The following DPF3 variants were observed in gnomAD, a reference collection of about 807,000 sequenced individuals.
The protein encoded by DPF3 is zinc finger protein DPF3.
A neutral mutation model predicts 56.8 loss-of-function variants in DPF3; 18 were observed. The observed-to-expected ratio is 0.32, with a 90% CI of 0.22 to 0.47. The LOEUF is 0.47. DPF3 is among the 20% of genes least tolerant of loss of function. DPF3 has a pLI of 1.00. For synonymous variants in DPF3, 188 were observed against 180.2 expected (o/e 1.04, Z -0.35); for missense variants, 403 against 488.8 (o/e 0.82, Z 1.65).
intron 7 of DPF3, among the ~76,000 whole-genome samples, chr14:72,686,148 T>C (rs1887401757): frequency 6.6e-6 from 1 of 152,236 alleles, no homozygotes; most frequent in African/African-American, 2.4e-5. Context: ...TAGCCAAGGA[T>C]ATGCCAGGGC....
intron 6 of DPF3, among the ~76,000 whole-genome samples, chr14:72,706,154 T>C (rs1888395295): frequency 6.6e-6 from 1 of 152,186 alleles, no homozygotes; most frequent in South Asian, 2.1e-4. Flanking sequence ...AGGTCTATAA[T>C]ATAAGTCAAC....
At chr14:72,855,291 T>C (rs1257358550) in intron 1 of DPF3, among the ~76,000 whole-genome samples, 1 of 152,210 alleles carries the variant, frequency 6.6e-6, no homozygotes. Context: ...TAAAAATCAG[T>C]AGGAATGAGG....
intron 3 of DPF3, among the ~76,000 whole-genome samples, chr14:72,750,209 G>A (rs1160094): frequency 0.3 from 46,342 of 152,082 alleles, 8,042 homozygotes; most frequent in Middle Eastern, 0.4. Flanking sequence ...GTATTGAACA[G>A]GGAAATCAGG....
At chr14:72,736,054 AC>A (rs1434202011) in intron 3 of DPF3, among the ~76,000 whole-genome samples, 1 of 152,228 alleles carries the variant, frequency 6.6e-6, no homozygotes, top group Admixed American at 6.5e-5. Context: ...TTTCAATGGT[AC>A]AGCTGCACTG....
chr14:72,749,957 T>C (rs371520614), intron 3 of DPF3, among the ~76,000 whole-genome samples: 132 of 152,332 alleles, frequency 8.7e-4, no homozygotes, highest in African/African-American at 3.1e-3. Context: ...GATGTAGCTA[T>C]GCCTGAAGCC....
At chr14:72,736,949 C>T (rs1350636024) in intron 3 of DPF3, among the ~76,000 whole-genome samples, 1 of 151,724 alleles carries the variant, frequency 6.6e-6, no homozygotes, top group East Asian at 1.9e-4. Flanking sequence ...CTCTCCAGAG[C>T]GGCAGCAGCT....
intron 1 of DPF3, among the ~76,000 whole-genome samples, chr14:72,815,408 C>T (rs1428884365): frequency 6.6e-6 from 1 of 152,266 alleles, no homozygotes; most frequent in Non-Finnish European, 1.5e-5. Flanking sequence ...GGTACAGCCA[C>T]TTTGGAAAGC....
At chr14:72,889,390 A>G (rs1417478312) in intron 1 of DPF3, among the ~76,000 whole-genome samples, 1 of 152,244 alleles carries the variant, frequency 6.6e-6, no homozygotes, top group African/African-American at 2.4e-5. Flanking sequence ...AGTGGCAACC[A>G]GAAGCAGATG....
intron 1 of DPF3, among the ~76,000 whole-genome samples, chr14:72,853,036 T>TGTGTGTGTGTGTGTGTGTGTGG: frequency 6.6e-6 from 1 of 150,814 alleles, no homozygotes; most frequent in Non-Finnish European, 1.5e-5. Context: ...TAGCCTTGCG[T>TGTGTGTGTGTGTGTGTGTGTGG]GTGTGTGTGT....
intron 2 of DPF3, among the ~76,000 whole-genome samples, chr14:72,767,239 C>T (rs116104509): frequency 0.011 from 1,649 of 152,196 alleles, 29 homozygotes; most frequent in African/African-American, 0.038. Context: ...AACATAACAG[C>T]CAAAATGTCC....
At chr14:72,656,248 C>T (rs1886059088) in intron 8 of DPF3, among the ~76,000 whole-genome samples, 1 of 152,196 alleles carries the variant, frequency 6.6e-6, no homozygotes, top group African/African-American at 2.4e-5. Flanking sequence ...AATTCAAACA[C>T]AGTGGTGTCA....
At chr14:72,637,735 C>T (rs1357008926) in intron 8 of DPF3, among the ~76,000 whole-genome samples, 2 of 152,072 alleles carry the variant, frequency 1.3e-5, no homozygotes, top group East Asian at 3.9e-4. Flanking sequence ...TACTACTGAT[C>T]CCCAATTGCC....
chr14:72,853,289 T>A (rs1885056236), intron 1 of DPF3: 1 of 151,970 alleles, frequency 6.6e-6, no homozygotes, highest in Non-Finnish European at 1.5e-5. Flanking sequence ...AATCTGTAAC[T>A]GTGAACAATC....
chr14:72,611,511 C>G lies in DPF3; in HGVS notation c.*7786G>C, dbSNP rs1269890083. Among the ~76,000 whole-genome samples, 1 of 151,870 alleles carries G rather than the reference C, an allele frequency of 6.6e-6. No individual in the cohort carries two copies. The highest frequency in any genetic ancestry group is 1.5e-5 in the Non-Finnish European group (1 of 68,032). ...GTGTGCCCAATCTGTACTTGAAGCCCCCACCCCCCCAGTCCCGCTCTCTGC... is the reference window on the plus strand; with the variant it reads ...GTGTGCCCAATCTGTACTTGAAGCCGCCACCCCCCCAGTCCCGCTCTCTGC... On this transcript the variant is annotated 3_prime_UTR_variant, in exon 11 of 11. Transcript: ENST00000556509.
At chr14:72,699,009 T>C (rs1888034965) in intron 6 of DPF3, among the ~76,000 whole-genome samples, 1 of 151,972 alleles carries the variant, frequency 6.6e-6, no homozygotes, top group Non-Finnish European at 1.5e-5. Flanking sequence ...GAAAACCAGA[T>C]TTAAAGAAGG....
intron 8 of DPF3, among the ~76,000 whole-genome samples, chr14:72,655,350 T>C (rs755226697): frequency 2.0e-5 from 3 of 152,232 alleles, no homozygotes; most frequent in Admixed American, 6.5e-5. Context: ...CCTCCCCAGA[T>C]TGGAGACAAC....
At chr14:72,651,695 A>C (rs1384689353) in intron 8 of DPF3, among the ~76,000 whole-genome samples, 1 of 152,190 alleles carries the variant, frequency 6.6e-6, no homozygotes, top group Non-Finnish European at 1.5e-5. Flanking sequence ...GTAGCCTTAA[A>C]ATGGGGTAAC....
intron 1 of DPF3, among the ~76,000 whole-genome samples, chr14:72,835,895 GCCACCAAAAA>G (rs1410881144): frequency 1.3e-5 from 2 of 152,150 alleles, no homozygotes; most frequent in Non-Finnish European, 2.9e-5. Flanking sequence ...ACACCCAGAA[GCCACCAAAAA>G]CCAACCTCAT....
At chr14:72,778,980 T>C (rs748815906) in intron 1 of DPF3, among the ~76,000 whole-genome samples, 2 of 152,174 alleles carry the variant, frequency 1.3e-5, no homozygotes, top group African/African-American at 2.4e-5. Context: ...CAAGTACCAT[T>C]CACATCAGCG....
Sources: allele counts gnomAD v4.1 joint callset (sites outside exome capture counted in the v4.1 genomes callset), GRCh38; gene constraint gnomAD v4.1.1; transcripts MANE v1.5; gene names NCBI Gene and HGNC (gene_info 2026-07-23, HGNC 2026-07-21).